Variants in CACNG4 observed in about 807,000 individuals in gnomAD.
CACNG4 encodes the protein voltage-dependent calcium channel gamma-4 subunit.
Under a neutral mutation model 22.9 loss-of-function variants are expected in CACNG4, and 8 were observed. The ratio of observed to expected loss-of-function variants is 0.35; its 90% CI spans 0.21 to 0.63. The LOEUF is 0.63. Among genes scored for constraint, CACNG4 ranks in the 30% least tolerant of loss-of-function variants. The pLI is 0.72. For missense variants in CACNG4, 357 were observed against 455.4 expected (o/e 0.78, Z 1.97); for synonymous variants, 188 against 191.9 (o/e 0.98, Z 0.17).
chr17:66,980,089 C>T (rs777426921), intron 1 of CACNG4, among the ~76,000 whole-genome samples: 1 of 152,196 alleles, frequency 6.6e-6, no homozygotes, highest in Non-Finnish European at 1.5e-5. Context: ...CAGGAACACG[C>T]TCCCAGGCAC....
chr17:66,994,876 G>T (rs1034407201), intron 1 of CACNG4, among the ~76,000 whole-genome samples: 2 of 152,152 alleles, frequency 1.3e-5, no homozygotes, highest in Non-Finnish European at 2.9e-5. Flanking sequence ...TGGTGAAGGG[G>T]GGAATGGGGG....
chr17:66,990,822 A>G (rs1292841391), intron 1 of CACNG4, among the ~76,000 whole-genome samples: 1 of 151,946 alleles, frequency 6.6e-6, no homozygotes, highest in Admixed American at 6.6e-5. Flanking sequence ...CTGGGACTAC[A>G]GGCGCCCGCC....
At chr17:66,995,613 AG>A (rs1421042240) in intron 1 of CACNG4, among the ~76,000 whole-genome samples, 2 of 152,162 alleles carry the variant, frequency 1.3e-5, no homozygotes, top group Non-Finnish European at 2.9e-5. Context: ...GCACTTTGGG[AG>A]GCCAAGGCAG....
intron 1 of CACNG4, among the ~76,000 whole-genome samples, chr17:66,989,060 CAAAAAAAAAA>C (rs35041834): frequency 3.2e-5 from 2 of 63,320 alleles, no homozygotes; most frequent in Non-Finnish European, 5.6e-5. Context: ...GACTCTGCCT[CAAAAAAAAAA>C]AAAAAAAAAA....
At chr17:67,006,173 C>G (rs558902380) in intron 1 of CACNG4, among the ~76,000 whole-genome samples, 1 of 152,132 alleles carries the variant, frequency 6.6e-6, no homozygotes, top group Non-Finnish European at 1.5e-5. Context: ...GCTGCCGTGT[C>G]GAGGCAGCCA....
At chr17:66,995,151 G>A (rs1356969536) in intron 1 of CACNG4, among the ~76,000 whole-genome samples, 2 of 152,280 alleles carry the variant, frequency 1.3e-5, no homozygotes, top group East Asian at 1.9e-4. Flanking sequence ...GCGCCCTCAC[G>A]CCACTGCCCC....
In CACNG4 at chr17:67,024,999, A is replaced by AG; in HGVS notation, c.445+1dup. 6.3e-7 allele frequency: 1 copy of AG among 1,588,066 alleles called. No individual in the cohort carries two copies. The highest frequency in any genetic ancestry group is 8.5e-7 in the Non-Finnish European group (1 of 1,169,892). ...GTGCCGGCATCCTCTTCGTGGCTGC[A>AG]GGTGAGCCGCCCGCCCGGGCTGGTG... On this transcript the variant is annotated frameshift_variant and splice_region_variant, in exon 3 of 4. Coordinates refer to ENST00000262138, the MANE Select transcript of CACNG4 (RefSeq NM_014405.4). LOFTEE classifies it high-confidence loss of function.
chr17:66,998,690 G>A (rs1356099976), intron 1 of CACNG4, among the ~76,000 whole-genome samples: 2 of 152,182 alleles, frequency 1.3e-5, no homozygotes, highest in Admixed American at 1.3e-4. Context: ...CCAGACCCTG[G>A]GCCTTGGGCA....
At chr17:66,976,020 C>T (rs1381416116) in intron 1 of CACNG4, among the ~76,000 whole-genome samples, 1 of 151,934 alleles carries the variant, frequency 6.6e-6, no homozygotes, top group Non-Finnish European at 1.5e-5. Flanking sequence ...GATTGATACT[C>T]AGGAACAGAG....
chr17:67,031,948 A>G lies in CACNG4; in HGVS notation c.*944A>G. 1 of 456,770 alleles carries G rather than the reference A, an allele frequency of 2.2e-6. No homozygotes were observed. The highest frequency in any genetic ancestry group is 1.5e-5 in the South Asian group (1 of 64,570). The allele number at this position is 456,770 out of a possible 1,614,324, so 28.3% of individuals were successfully genotyped here. A position where few individuals can be genotyped will look rare whatever the true frequency, so the allele number is the denominator to read the frequency against. ...ACAGGAGCCTGGACTTCTGTGCAAGAAAGGGAGACCTAAGGGTGAACAGTG... is the reference window on the plus strand; with the variant it reads ...ACAGGAGCCTGGACTTCTGTGCAAGGAAGGGAGACCTAAGGGTGAACAGTG... On this transcript the variant is annotated 3_prime_UTR_variant, in exon 4 of 4. Coordinates refer to ENST00000262138, the MANE Select transcript of CACNG4 (RefSeq NM_014405.4). The surrounding 1 kb of genome is among the most constrained non-coding windows in gnomAD (Gnocchi z 4.0).
At chr17:67,008,270 T>A (rs1415698297) in intron 1 of CACNG4, among the ~76,000 whole-genome samples, 1 of 152,192 alleles carries the variant, frequency 6.6e-6, no homozygotes, top group Non-Finnish European at 1.5e-5. Context: ...GCCTGGAGTT[T>A]CGCTCAGGAA....
rs1346902909 is a variant in CACNG4 at position 66,964,732 on chromosome 17, A to C, written c.-180A>C. The stretch of plus-strand genomic sequence containing the variant: ...ACTCGTCGCCGCGCCTCGGAGTTTG[A>C]GCCCCAGCGCTGCCGGAGCGCAGGC... On this transcript the variant is annotated 5_prime_UTR_variant, in exon 1 of 4. Transcript: ENST00000262138. 7.0e-6 allele frequency among the ~76,000 whole-genome samples: 1 copy of C among 143,010 alleles called. No individual in the cohort carries two copies. The highest frequency in any genetic ancestry group is 2.5e-5 in the African/African-American group (1 of 39,704). 93.8% of individuals were successfully genotyped at this position (143,010 alleles called of 152,430 possible). A position where few individuals can be genotyped will look rare whatever the true frequency, so the allele number is the denominator to read the frequency against.
At chr17:66,983,189 T>G (rs1010827214) in intron 1 of CACNG4, among the ~76,000 whole-genome samples, 1 of 152,172 alleles carries the variant, frequency 6.6e-6, no homozygotes, top group Non-Finnish European at 1.5e-5. Context: ...CTCCTCACAA[T>G]GCAGCATGGA....
intron 3 of CACNG4, among the ~76,000 whole-genome samples, chr17:67,029,735 C>T (rs1297608422): frequency 6.6e-6 from 1 of 152,196 alleles, no homozygotes; most frequent in Non-Finnish European, 1.5e-5. Flanking sequence ...TTCCACATAA[C>T]GTAAAATGTT....
intron 1 of CACNG4, among the ~76,000 whole-genome samples, chr17:66,994,646 G>T (rs1011282138): frequency 6.6e-5 from 10 of 152,166 alleles, no homozygotes; most frequent in Admixed American, 6.5e-4. Flanking sequence ...TTCAGGTCCC[G>T]GCTTTCTCCA....
chr17:66,970,332 T>C (rs1022341966), intron 1 of CACNG4, among the ~76,000 whole-genome samples: 7 of 152,170 alleles, frequency 4.6e-5, no homozygotes, highest in Admixed American at 4.6e-4. Flanking sequence ...GCTGACGTCA[T>C]AAAATATGAT....
At chr17:67,012,011 C>A (rs2035471331) in intron 1 of CACNG4, among the ~76,000 whole-genome samples, 1 of 152,178 alleles carries the variant, frequency 6.6e-6, no homozygotes, top group South Asian at 2.1e-4. Flanking sequence ...TATCTGGTTT[C>A]TCTTCCTTTT....
chr17:66,977,424 G>C (rs936488160), intron 1 of CACNG4, among the ~76,000 whole-genome samples: 3 of 152,196 alleles, frequency 2.0e-5, no homozygotes, highest in Non-Finnish European at 4.4e-5. Context: ...TCAATAGGAC[G>C]GGGGTTGTGG....
rs117472095 is a variant in CACNG4 at position 66,982,422 on chromosome 17, G to A, written c.220+17291G>A. ...GTGTTTTTACAGAGTACCAATTGGC[G>A]CATTTTACAAACCTGTAGCTAGCCA... On this transcript the variant is annotated intron_variant, in intron 1 of 3. Coordinates refer to ENST00000262138, the MANE Select transcript of CACNG4 (RefSeq NM_014405.4). Among the ~76,000 whole-genome samples, 378 of 152,074 alleles carry A rather than the reference G, an allele frequency of 2.5e-3. 5 individuals carry two copies. The East Asian group carries it at 0.052, about 21-fold the overall frequency.
Sources: gnomAD v4.1 joint callset for allele counts (sites outside exome capture counted in the v4.1 genomes callset) on GRCh38, gnomAD v4.1.1 for gene constraint, Gnocchi (gnomAD v3.1) non-coding constraint, MANE v1.5 for transcripts, NCBI Gene and HGNC (gene_info 2026-07-23, HGNC 2026-07-21) for gene names.